Variants in PRRC2C observed in about 807,000 individuals in gnomAD.
PRRC2C encodes the protein protein PRRC2C.
Under a neutral mutation model 317.2 loss-of-function variants are expected in PRRC2C, and 72 were observed. That is an observed-to-expected ratio of 0.23 (90% confidence interval 0.19 to 0.28). The LOEUF (loss-of-function observed/expected upper bound fraction) is 0.28. Ranked by LOEUF, PRRC2C falls within the 10% of genes least tolerant of loss-of-function variation. The probability of loss-of-function intolerance (pLI) is 1.00; values close to 1 mark genes in which losing one functional copy is unlikely to be tolerated. For missense variants in PRRC2C, 3,074 were observed against 3,459.7 expected, an observed-to-expected ratio of 0.89 and a Z score of 2.80; for synonymous variants, 1,296 against 1,205.9, an observed-to-expected ratio of 1.07 and a Z score of -1.55.
rs776820705 is a variant in PRRC2C, at chr1:171,568,345, T to C, written c.6651+6T>C. On this transcript the variant is annotated splice_donor_region_variant and intron_variant, in intron 23 of 34. Coordinates refer to ENST00000647382, the MANE Select transcript of PRRC2C (RefSeq NM_001387844.1). ...AGGATACTTTGGTTAATAATGTAAG[T>C]AATCAGTTTGAGATGTGGCAAGTTT... 6.3e-7 allele frequency: 1 copy of C among 1,591,610 alleles called. No individual in the cohort carries two copies. Among genetic ancestry groups the C allele is most frequent in the South Asian group, 1.1e-5 (1 of 87,668 alleles).
intron 26 of PRRC2C, among the ~76,000 whole-genome samples, chr1:171,579,044 A>G (rs1647900040): frequency 6.6e-6 from 1 of 152,148 alleles, no homozygotes; most frequent in Non-Finnish European, 1.5e-5. Flanking sequence ...GGGTAGATTC[A>G]TTTTCAATTT....
At chr1:171,577,366 T>TGTTCACACAA in intron 25 of PRRC2C, 68 bp from the exon 26 acceptor site, 1 of 1,361,710 alleles carries the variant, frequency 7.3e-7, no homozygotes, top group Non-Finnish European at 1.0e-6. Context: ...TTCTGGTTGG[T>TGTTCACACAA]ACTGTGAACA....
At chr1:171,548,956 A>T (rs945425767) in intron 17 of PRRC2C, among the ~76,000 whole-genome samples, 3 of 151,976 alleles carry the variant, frequency 2.0e-5, no homozygotes, top group Non-Finnish European at 4.4e-5. Flanking sequence ...AACTGAAGTG[A>T]TTCTCCTACC....
At chr1:171,531,204 G>A (rs1264153411) in intron 11 of PRRC2C, among the ~76,000 whole-genome samples, 1 of 152,188 alleles carries the variant, frequency 6.6e-6, no homozygotes, top group Non-Finnish European at 1.5e-5. Flanking sequence ...GGCCACAGGG[G>A]GAGGCAGAGG....
rs1344536601 is a variant in PRRC2C at position 171,566,395 on chromosome 1, C to A, written c.6280C>A (p.Arg2094=). 1 of 1,582,124 alleles carries A rather than the reference C, an allele frequency of 6.3e-7. No individual in the cohort carries two copies. Among genetic ancestry groups the A allele is most frequent in the Non-Finnish European group, 8.6e-7 (1 of 1,163,758 alleles). Residue 2094 remains arginine (R), a synonymous_variant, in exon 21 of 35, where the codon CGA becomes AGA. Transcript: ENST00000647382. The part of the protein sequence containing the change: ...EPKEQRQKQP[R]AGPIKAQKLP... ...TAAAGAACAGCGGCAGAAGCAGCCA[C>A]GAGCAGGACCTATCAAAGCCCAGAA...
chr1:171,562,481 C>T (rs781439931), intron 20 of PRRC2C, among the ~76,000 whole-genome samples: 1 of 152,112 alleles, frequency 6.6e-6, no homozygotes, highest in African/African-American at 2.4e-5. Context: ...TACGATATTA[C>T]AATAATTGAA....
At position 171,532,541 on chromosome 1, in the gene PRRC2C, G is replaced by A; in HGVS notation, c.1453G>A (p.Glu485Lys). ...AGAACAAAGGAAGGCAGCTTGTGCG[G>A]AGAAACTGAAACGATTGGATGAGAA... is the stretch of plus-strand genomic sequence containing the variant. ...MEEQRKAACA[E>K]KLKRLDEKLG... Residue 485 changes from glutamate to lysine, a missense_variant, in exon 12 of 35, where the codon GAG (glutamate) becomes AAG (lysine). Around this residue, in one of 11 missense-constraint regions of PRRC2C, gnomAD observed 1,320 missense variants for 1,395.7 expected, o/e 0.95. Transcript: ENST00000647382. 1.3e-6 allele frequency: 2 copies of A among 1,594,596 alleles called. No homozygotes were observed. Among genetic ancestry groups the A allele is most frequent in the South Asian group, 1.1e-5 (1 of 87,838 alleles).
At chr1:171,555,737 CTGT>C (rs1681244157) in intron 18 of PRRC2C, among the ~76,000 whole-genome samples, 1 of 152,154 alleles carries the variant, frequency 6.6e-6, no homozygotes, top group Non-Finnish European at 1.5e-5. Context: ...AGCTGCAGGT[CTGT>C]TGGAATTTGC....
intron 2 of PRRC2C, 26 bp downstream of exon 2, chr1:171,512,226 GTTTT>G: frequency 7.0e-7 from 1 of 1,429,604 alleles, no homozygotes; most frequent in Non-Finnish European, 9.6e-7. Flanking sequence ...TGACACTTAT[GTTTT>G]TCATGGTTTG....
At chr1:171,511,997 T>G in intron 1 of PRRC2C, 35 bp from the exon 2 acceptor site, 1 of 609,346 alleles carries the variant, frequency 1.6e-6, no homozygotes, top group Non-Finnish European at 2.7e-6. Context: ...ACTGAGTTTT[T>G]CATCCTTATT....
At chr1:171,549,808 C>A (rs908955742) in intron 17 of PRRC2C, among the ~76,000 whole-genome samples, 1 of 152,108 alleles carries the variant, frequency 6.6e-6, no homozygotes, top group African/African-American at 2.4e-5. Context: ...GCAGTATGCC[C>A]ATCTCGGCCT....
Position 171,557,390 on chromosome 1 carries a change from A to C in PRRC2C, c.5278A>C (p.Thr1760Pro). ...PLASAPLPPSTSASVPASTSA... is the reference protein window; with the variant it reads ...PLASAPLPPSPSASVPASTSA... The stretch of plus-strand genomic sequence containing the variant: ...AGCTTCGGCTCCACTTCCACCTTCA[A>C]CCTCAGCTTCAGTTCCAGCCTCAAC... Residue 1760 changes from threonine (T) to proline (P), a missense_variant, in exon 19 of 35, where the codon ACC (threonine) becomes CCC (proline). Thr to Pro is a conservative substitution (Grantham distance 38). Transcript: ENST00000647382. 1 of 1,551,376 alleles carries C rather than the reference A, an allele frequency of 6.4e-7. No homozygotes were observed. The highest frequency in any genetic ancestry group is 8.7e-7 in the Non-Finnish European group (1 of 1,146,900).
intron 17 of PRRC2C, among the ~76,000 whole-genome samples, chr1:171,546,045 A>T (rs1003262124): frequency 1.3e-5 from 2 of 152,190 alleles, no homozygotes; most frequent in Non-Finnish European, 2.9e-5. Context: ...TAGATGTATT[A>T]TTAAAAACAA....
intron 1 of PRRC2C, among the ~76,000 whole-genome samples, chr1:171,502,799 C>T (rs991384604): frequency 6.6e-6 from 1 of 152,186 alleles, no homozygotes; most frequent in Non-Finnish European, 1.5e-5. Context: ...TCTTGGCTCA[C>T]TGCAACCTCC....
chr1:171,536,984 T>C (rs1676953317), intron 14 of PRRC2C, among the ~76,000 whole-genome samples: 1 of 152,226 alleles, frequency 6.6e-6, no homozygotes, highest in Non-Finnish European at 1.5e-5. Flanking sequence ...ATATGCATAA[T>C]ATTTTCTTTC....
chr1:171,523,378 CCTT>C (rs771163806), intron 8 of PRRC2C, 24 bp downstream of exon 8: 2 of 1,613,712 alleles, frequency 1.2e-6, no homozygotes, highest in African/African-American at 2.7e-5. Flanking sequence ...TTAATTAAGT[CCTT>C]TAAATTGTTA....
chr1:171,580,015 G>C, intron 28 of PRRC2C, 51 bp downstream of exon 28: 1 of 1,387,790 alleles, frequency 7.2e-7, no homozygotes, highest in Non-Finnish European at 9.4e-7. Flanking sequence ...CATTGTAACT[G>C]CTGATCCTCC....
Position 171,592,657 on chromosome 1 carries a change from TG to T in PRRC2C, c.*811del, listed in dbSNP as rs1651656682. The T allele has an allele frequency of 6.6e-6, 1 of 152,174 alleles. No homozygotes were observed. The highest frequency in any genetic ancestry group is 6.5e-5 in the Admixed American group (1 of 15,280). The allele number at this position is 152,174 out of a possible 1,614,324, so 9.4% of individuals were successfully genotyped here. A position where few individuals can be genotyped will look rare whatever the true frequency, so the allele number is the denominator to read the frequency against. On this transcript the variant is annotated 3_prime_UTR_variant, in exon 35 of 35. Coordinates refer to ENST00000647382, the MANE Select transcript of PRRC2C (RefSeq NM_001387844.1). ...AATGCTGGTTAGGTTGAGTCTTCCT[TG>T]CCCCCACTCAGTCATCTTTGTATGA... is the stretch of plus-strand genomic sequence containing the variant.
chr1:171,555,824 G>A (rs965910050), intron 18 of PRRC2C, among the ~76,000 whole-genome samples: 1 of 152,184 alleles, frequency 6.6e-6, no homozygotes, highest in African/African-American at 2.4e-5. Context: ...AAATATTGCT[G>A]CCTGATCCTT....
Sources: gnomAD v4.1 joint callset for allele counts (sites outside exome capture counted in the v4.1 genomes callset) on GRCh38, gnomAD v4.1.1 for gene constraint, gnomAD v4.1.1 regional missense constraint, MANE v1.5 for transcripts, NCBI Gene and HGNC (gene_info 2026-07-23, HGNC 2026-07-21) for gene names.